The following COL4A2 variants were observed in gnomAD, a reference collection of about 807,000 sequenced individuals.
The protein encoded by COL4A2 is collagen alpha-2(IV) chain.
Under a neutral mutation model 200.2 loss-of-function variants are expected in COL4A2, and 99 were observed. The ratio of observed to expected loss-of-function variants is 0.49; its 90% CI spans 0.42 to 0.58. The LOEUF is 0.58. COL4A2 is among the 20% of genes least tolerant of loss of function. COL4A2 has a pLI of 0.00. For synonymous variants in COL4A2, 897 were observed against 900.6 expected, an observed-to-expected ratio of 1.00 and a Z score of 0.07; for missense variants, 1,950 against 2,314.1, an observed-to-expected ratio of 0.84 and a Z score of 3.23.
rs11841013 is a variant in COL4A2 at position 110,341,599 on chromosome 13, A to G, written c.100-15873A>G. On this transcript the variant is annotated intron_variant, in intron 3 of 47. Transcript: ENST00000360467. ...CACTGATGAAAACAACTCAGTAACA[A>G]CTCCACTTTGAGAGGAGCAGAGCAG... Among the ~76,000 whole-genome samples, 1,403 of 152,230 alleles carry G rather than the reference A, an allele frequency of 9.2e-3. 23 individuals carry two copies. The highest frequency in any genetic ancestry group is 0.033 in the African/African-American group (1,363 of 41,548).
In COL4A2 at chr13:110,370,493, G is replaced by T. The variant is rs113772613; in HGVS notation, c.180+12941G>T. Among the ~76,000 whole-genome samples the T allele has an allele frequency of 1.6e-3, 238 of 152,294 alleles. 1 individual carries two copies. The highest frequency in any genetic ancestry group is 5.5e-3 in the African/African-American group (230 of 41,560). The stretch of plus-strand genomic sequence containing the variant: ...GCTGGTCTTGAACTCCTGACCTCGT[G>T]GTCCGCCCACCTTGGCCTCCCAAAG... On this transcript the variant is annotated intron_variant, in intron 4 of 47. Transcript: ENST00000360467.
Position 110,503,136 on chromosome 13 carries a change from C to A in COL4A2, c.3893C>A (p.Pro1298Gln). 6.2e-7 allele frequency: 1 copy of A among 1,613,696 alleles called. No individual in the cohort carries two copies. Among genetic ancestry groups the A allele is most frequent in the South Asian group, 1.1e-5 (1 of 91,066 alleles). ...ATGCCAACAGGTTATCGGGGCCCACCAGGGCCACCAGGTTCTGCTGCTCTT... is the reference window on the plus strand; with the variant it reads ...ATGCCAACAGGTTATCGGGGCCCACAAGGGCCACCAGGTTCTGCTGCTCTT... ...IFGLKGYRGP[P>Q]GPPGSAALPG... The change falls in exon 42 of 48, where the codon CCA (proline) becomes CAA (glutamine). Residue 1298 changes from proline to glutamine, a missense_variant. By Grantham distance (76) the Pro-to-Gln change is moderately conservative (BLOSUM62 -1). This residue lies in a region of COL4A2 where 1,385 missense variants were observed against 1,720.5 expected (regional missense o/e 0.80). Transcript: ENST00000360467.
chr13:110,448,501 C>T (rs918161636), intron 18 of COL4A2, among the ~76,000 whole-genome samples: 3 of 152,122 alleles, frequency 2.0e-5, no homozygotes, highest in Non-Finnish European at 4.4e-5. Context: ...TTCTTAAAGT[C>T]AAAGGTTGAC....
At chr13:110,447,088 T>C (rs2139477635) in intron 18 of COL4A2, among the ~76,000 whole-genome samples, 1 of 152,374 alleles carries the variant, frequency 6.6e-6, no homozygotes, top group East Asian at 1.9e-4. Context: ...TCATGTTGCC[T>C]GTGCCTGAGA....
intron 4 of COL4A2, among the ~76,000 whole-genome samples, chr13:110,374,677 G>A (rs1031095100): frequency 6.6e-6 from 1 of 152,106 alleles, no homozygotes. Flanking sequence ...AACCAGAAAG[G>A]TTCTCCAAAT....
intron 46 of COL4A2, 73 bp downstream of exon 46, chr13:110,506,679 A>G (rs1429798580): frequency 1.1e-5 from 16 of 1,438,534 alleles, no homozygotes; most frequent in Non-Finnish European, 1.4e-5. Context: ...AAAGGGCCAC[A>G]GCGAGACTCC....
intron 3 of COL4A2, among the ~76,000 whole-genome samples, chr13:110,354,530 T>A (rs1053923605): frequency 5.9e-5 from 9 of 152,138 alleles, no homozygotes; most frequent in Non-Finnish European, 1.0e-4. Flanking sequence ...AGCTGCCTCA[T>A]TACCTCACTC....
chr13:110,495,801 C>T (rs897919110), intron 40 of COL4A2, among the ~76,000 whole-genome samples: 15 of 152,160 alleles, frequency 9.9e-5, no homozygotes, highest in East Asian at 7.7e-4. Context: ...AGTGAATGTG[C>T]GAATAAATGC....
At chr13:110,446,666 G>C (rs1881337181) in intron 17 of COL4A2, 132 bp from the exon 18 acceptor site, 2 of 704,042 alleles carry the variant, frequency 2.8e-6, no homozygotes, top group Admixed American at 4.0e-5. Flanking sequence ...ACTGTCTGTG[G>C]TTCCACTGGT....
intron 4 of COL4A2, among the ~76,000 whole-genome samples, chr13:110,383,345 T>C (rs1444086432): frequency 1.3e-5 from 2 of 152,344 alleles, no homozygotes; most frequent in East Asian, 1.9e-4. Context: ...TATCTGAATA[T>C]TGCAAGCTAA....
rs780868722 is a variant in COL4A2 at position 110,457,050 on chromosome 13, G to A, written c.1340-293G>A. 7.8e-4 allele frequency: 223 copies of A among 287,188 alleles called. 6 individuals carry two copies. The East Asian group carries it at 0.016, about 21-fold the overall frequency. The allele number at this position is 287,188 out of a possible 1,614,324, so 17.8% of individuals were successfully genotyped here. ...CCTGCGTCTGCGTGGGACCCCAGGC[G>A]TCCGTGGGGCTGATGCCCTGCGTCT... is the stretch of plus-strand genomic sequence containing the variant. On this transcript the variant is annotated intron_variant, in intron 20 of 47. Transcript: ENST00000360467.
intron 20 of COL4A2, among the ~76,000 whole-genome samples, chr13:110,455,729 A>G (rs1018651579): frequency 6.6e-6 from 1 of 152,202 alleles, no homozygotes; most frequent in East Asian, 1.9e-4. Context: ...GACGGTATCC[A>G]TGTCCTCATT....
At position 110,421,923 on chromosome 13, in the gene COL4A2, T is replaced by C. The variant is rs151191825; in HGVS notation, c.181-2811T>C. 4.6e-5 allele frequency among the ~76,000 whole-genome samples: 7 copies of C among 152,332 alleles called. No individual in the cohort carries two copies. In the East Asian group the frequency reaches 1.3e-3, roughly 29 times the overall value. On this transcript the variant is annotated intron_variant, in intron 4 of 47. Coordinates refer to ENST00000360467, the MANE Select transcript of COL4A2 (RefSeq NM_001846.4). ...TTGAGGAAGGGTTGACGAATGCAGATAAGAATGTGGTTTTCATCAATAAGA... is the reference window on the plus strand; with the variant it reads ...TTGAGGAAGGGTTGACGAATGCAGACAAGAATGTGGTTTTCATCAATAAGA...
chr13:110,494,718 T>A (rs1883397332), intron 39 of COL4A2, among the ~76,000 whole-genome samples: 1 of 147,152 alleles, frequency 6.8e-6, no homozygotes, highest in African/African-American at 2.5e-5. Flanking sequence ...AAAAAAAAAA[T>A]TAACACATTT....
chr13:110,452,891 C>A (rs1566541432), intron 20 of COL4A2, among the ~76,000 whole-genome samples: 1 of 151,968 alleles, frequency 6.6e-6, no homozygotes, highest in Non-Finnish European at 1.5e-5. Flanking sequence ...GCCTCTTGAG[C>A]AGCTGGGATT....
chr13:110,454,385 G>A lies in COL4A2; in HGVS notation c.1340-2958G>A, dbSNP rs554482544. On this transcript the variant is annotated intron_variant, in intron 20 of 47. Transcript: ENST00000360467. ...ATCCAGTGCTTCCATTGTAAGGAGCGCCCACAATCTCTTTGTCCTGAATGA... is the reference window on the plus strand; with the variant it reads ...ATCCAGTGCTTCCATTGTAAGGAGCACCCACAATCTCTTTGTCCTGAATGA... Among the ~76,000 whole-genome samples, 5 of 152,266 alleles carry A rather than the reference G, an allele frequency of 3.3e-5. No individual in the cohort carries two copies. In the South Asian group the frequency reaches 6.2e-4, roughly 19 times the overall value.
chr13:110,427,867 A>G (rs541816334), intron 6 of COL4A2, among the ~76,000 whole-genome samples: 2 of 150,220 alleles, frequency 1.3e-5, no homozygotes, highest in Admixed American at 1.3e-4. Context: ...AAAGCAAACA[A>G]GAGGCAATCA....
chr13:110,377,284 G>A (rs2139407141), intron 4 of COL4A2, among the ~76,000 whole-genome samples: 1 of 152,302 alleles, frequency 6.6e-6, no homozygotes, highest in Middle Eastern at 3.4e-3. Context: ...TGGGGTCAGA[G>A]TGCTTTAATC....
In COL4A2 at chr13:110,503,936, CGAGGCCCCCCTGGGGCACCGGGGGAGAT is replaced by C; in HGVS notation, c.4230_4257del (p.Pro1413ArgfsTer37). On this transcript the variant is annotated frameshift_variant, in exon 44 of 48. Coordinates refer to ENST00000360467, the MANE Select transcript of COL4A2 (RefSeq NM_001846.4). LOFTEE classifies it high-confidence loss of function. ...AGGGACAGTGGGTCCCCAGGGGAGG[CGAGGCCCCCCTGGGGCACCGGGGGAGAT>C]GGGGCCCCAGGGCCCCCCCGGAGAA... 6.3e-7 allele frequency: 1 copy of C among 1,587,758 alleles called. No individual in the cohort carries two copies. The highest frequency in any genetic ancestry group is 8.6e-7 in the Non-Finnish European group (1 of 1,163,582).
Sources: gnomAD v4.1 joint callset for allele counts (sites outside exome capture counted in the v4.1 genomes callset) on GRCh38, gnomAD v4.1.1 for gene constraint, gnomAD v4.1.1 regional missense constraint, MANE v1.5 for transcripts, NCBI Gene and HGNC (gene_info 2026-07-23, HGNC 2026-07-21) for gene names.